The following TSPAN14 variants were observed in gnomAD, a reference collection of about 807,000 sequenced individuals.
TSPAN14 encodes the protein tetraspanin-14.
Under a neutral mutation model 36.6 loss-of-function variants are expected in TSPAN14, and 16 were observed. That is an observed-to-expected ratio of 0.44 (90% CI 0.30 to 0.66). TSPAN14 has a LOEUF of 0.66. TSPAN14 is among the 30% of genes least tolerant of loss of function. The pLI, the probability that TSPAN14 is intolerant of heterozygous loss-of-function variation, is 0.12. For synonymous variants in TSPAN14, 139 were observed against 143.8 expected, an observed-to-expected ratio of 0.97 and a Z score of 0.24; for missense variants, 231 against 355.1, an observed-to-expected ratio of 0.65 and a Z score of 2.81.
At chr10:80,471,329 GT>G (rs140920426) in intron 1 of TSPAN14, among the ~76,000 whole-genome samples, 2,062 of 152,194 alleles carry the variant, frequency 0.014, 14 homozygotes, top group Non-Finnish European at 0.021. Flanking sequence ...TTGCTGGGTG[GT>G]TTGCTTCAAC....
chr10:80,517,132 T>G (rs1016143950), intron 8 of TSPAN14, among the ~76,000 whole-genome samples: 2 of 152,208 alleles, frequency 1.3e-5, no homozygotes, highest in Non-Finnish European at 2.9e-5. Context: ...TGTTTGACTC[T>G]GTTTTTGCCT....
chr10:80,515,516 C>T (rs1445676417), intron 7 of TSPAN14: 2 of 152,298 alleles, frequency 1.3e-5, no homozygotes, highest in Non-Finnish European at 2.9e-5. Flanking sequence ...TTCTGAAGTC[C>T]TGGGGGTTAG....
chr10:80,508,410 G>A (rs563137507), intron 4 of TSPAN14, among the ~76,000 whole-genome samples: 4 of 152,114 alleles, frequency 2.6e-5, no homozygotes, highest in Non-Finnish European at 5.9e-5. Flanking sequence ...GAACCACCGC[G>A]CCCGGCCGTG....
exon 9 of TSPAN14, chr10:80,520,599 C>A (rs868199153): frequency 5.6e-6 from 3 of 533,114 alleles, no homozygotes; most frequent in Middle Eastern, 3.2e-4. Context: ...TGGTCCACCC[C>A]CTCTCAGGAT....
exon 4 of TSPAN14, chr10:80,507,284 G>C: frequency 6.2e-7 from 1 of 1,614,234 alleles, no homozygotes; most frequent in Non-Finnish European, 8.5e-7. Flanking sequence ...ACCCTGTGGT[G>C]CTGGTCCTGA....
chr10:80,504,390 C>T lies in TSPAN14; in HGVS notation c.82-338C>T, dbSNP rs180931796. ...TCCCAAGGGGTGATGTCTTCGTATA[C>T]ACCAGATAGTGCACTGAAATGAGTT... On this transcript the variant is annotated intron_variant, in intron 2 of 8. Coordinates refer to ENST00000429989, the Ensembl canonical transcript of TSPAN14. 6.9e-4 allele frequency among the ~76,000 whole-genome samples: 105 copies of T among 152,318 alleles called. 1 individual carries two copies. The highest frequency in any genetic ancestry group is 2.3e-3 in the African/African-American group (97 of 41,562).
intron 1 of TSPAN14, among the ~76,000 whole-genome samples, chr10:80,469,029 C>T (rs1846391838): frequency 6.6e-6 from 1 of 152,188 alleles, no homozygotes; most frequent in African/African-American, 2.4e-5. Context: ...CAGTCCTTCC[C>T]CTCTGGGTGT....
rs139461722 is a variant in TSPAN14 at position 80,476,636 on chromosome 10, C to A, written c.-17-12581C>A. ...TTTACCATGTTAGCCAAGATGGTCT[C>A]GATATCCTGACCTCGTGATCTGCCC... On this transcript the variant is annotated intron_variant, in intron 1 of 8. Transcript: ENST00000429989. Among the ~76,000 whole-genome samples, 759 of 151,894 alleles carry A rather than the reference C, an allele frequency of 5.0e-3. 8 individuals carry two copies. Among genetic ancestry groups the A allele is most frequent in the African/African-American group, 0.017 (721 of 41,428 alleles).
chr10:80,454,699 G>T (rs1845652352), intron 1 of TSPAN14, among the ~76,000 whole-genome samples: 1 of 152,148 alleles, frequency 6.6e-6, no homozygotes, highest in Admixed American at 6.5e-5. Flanking sequence ...GCGAGTGCGC[G>T]CCCGTGCCGG....
chr10:80,515,790 GC>G (rs2132066747), intron 7 of TSPAN14: 1 of 166,734 alleles, frequency 6.0e-6, no homozygotes, highest in South Asian at 1.6e-4. Context: ...CTGGTGGGAT[GC>G]CCGCTCCGAG....
At chr10:80,483,144 C>A (rs1359806771) in intron 1 of TSPAN14, among the ~76,000 whole-genome samples, 1 of 152,128 alleles carries the variant, frequency 6.6e-6, no homozygotes, top group East Asian at 1.9e-4. Context: ...AAGGTGAGTA[C>A]AACACTGAAG....
chr10:80,503,070 C>T (rs12260962), intron 2 of TSPAN14, among the ~76,000 whole-genome samples: 40,232 of 151,698 alleles, frequency 0.27, 5,647 homozygotes, highest in South Asian at 0.34. Flanking sequence ...TCTTGGCCTC[C>T]AGCTTTGGCA....
Position 80,510,520 on chromosome 10 carries a change from G to A in TSPAN14, c.450+1049G>A, listed in dbSNP as rs1017686676. Among the ~76,000 whole-genome samples the A allele has an allele frequency of 3.3e-5, 5 of 152,212 alleles. No individual in the cohort carries two copies. In the East Asian group the frequency reaches 5.8e-4, roughly 18 times the overall value. On this transcript the variant is annotated intron_variant, in intron 5 of 8. Transcript: ENST00000429989. ...GCCTGGTCTCAGCATGCTAGGTTGC[G>A]GTTCATCCCTGCATTGCCTTAAAAA...
chr10:80,520,018 T>C (rs1479373751), exon 9 of TSPAN14: 1 of 154,802 alleles, frequency 6.5e-6, no homozygotes, highest in African/African-American at 2.4e-5. Context: ...TTGGGGACAC[T>C]GAGTCGAAGT....
exon 4 of TSPAN14, chr10:80,507,338 G>A: frequency 6.2e-7 from 1 of 1,614,242 alleles, no homozygotes; most frequent in Non-Finnish European, 8.5e-7. Context: ...CCGGCTGCGT[G>A]GGGGCTCTGC....
intron 5 of TSPAN14, among the ~76,000 whole-genome samples, chr10:80,511,766 CTCT>C (rs1840661550): frequency 1.7e-5 from 2 of 120,178 alleles, no homozygotes; most frequent in African/African-American, 6.8e-5. Flanking sequence ...CTCTCTCTCT[CTCT>C]CTCCCCTTTT....
At chr10:80,468,031 C>T (rs550590919) in intron 1 of TSPAN14, among the ~76,000 whole-genome samples, 1 of 152,338 alleles carries the variant, frequency 6.6e-6, no homozygotes, top group Admixed American at 6.5e-5. Context: ...CATTCCTCTT[C>T]TTTGGGGGTG....
intron 2 of TSPAN14, among the ~76,000 whole-genome samples, chr10:80,495,117 T>G (rs917485090): frequency 6.6e-6 from 1 of 152,228 alleles, no homozygotes; most frequent in Non-Finnish European, 1.5e-5. Flanking sequence ...TGTTTCCAAT[T>G]TTTTTGCTAT....
At chr10:80,497,010 ATTAG>A (rs910359256) in intron 2 of TSPAN14, among the ~76,000 whole-genome samples, 13 of 151,986 alleles carry the variant, frequency 8.6e-5, no homozygotes, top group African/African-American at 2.4e-4. Context: ...TTGATTGGAT[ATTAG>A]TTATAGTTTT....
Sources: gnomAD v4.1 joint callset for allele counts (sites outside exome capture counted in the v4.1 genomes callset) on GRCh38, gnomAD v4.1.1 for gene constraint, MANE v1.5 for transcripts, NCBI Gene and HGNC (gene_info 2026-07-23, HGNC 2026-07-21) for gene names.